SHROOM4: variants seen among roughly 807,000 people sequenced by gnomAD.
The protein encoded by SHROOM4 is protein Shroom4.
SHROOM4 carries 17 observed loss-of-function variants against 80.3 expected under a neutral mutation model. The ratio of observed to expected loss-of-function variants is 0.21; its 90% confidence interval spans 0.14 to 0.32. The LOEUF is 0.32. Among genes scored for constraint, SHROOM4 ranks in the 10% least tolerant of loss-of-function variants. The probability of loss-of-function intolerance (pLI) is 1.00; values close to 1 mark genes in which losing one functional copy is unlikely to be tolerated. For synonymous variants in SHROOM4, 400 were observed against 437.5 expected, an observed-to-expected ratio of 0.91 and a Z score of 1.07; for missense variants, 993 against 1,140.3, an observed-to-expected ratio of 0.87 and a Z score of 1.86.
rs17003193 is a variant in SHROOM4, at chrX:50,753,340, G to A, written c.118-57403C>T. Among the ~76,000 whole-genome samples the A allele has an allele frequency of 8.0e-5, 9 of 111,936 alleles. No individual in the cohort carries two copies. The East Asian group carries it at 8.4e-4, about 10-fold the overall frequency. ...CTTGAAGGACTGTTAATGTTACATC[G>A]GGTTTTAATCTCATAATTTGTAACC... On this transcript the variant is annotated intron_variant, in intron 1 of 8. Transcript: ENST00000376020.
intron 2 of SHROOM4, among the ~76,000 whole-genome samples, chrX:50,660,256 G>C (rs1932447805): frequency 9.0e-6 from 1 of 111,557 alleles, no homozygotes; most frequent in Non-Finnish European, 1.9e-5. Flanking sequence ...CTGGGGATCT[G>C]ATTAACAGGC....
At chrX:50,737,720 C>T (rs1038254613) in intron 1 of SHROOM4, among the ~76,000 whole-genome samples, 8 of 111,199 alleles carry the variant, frequency 7.2e-5, no homozygotes, top group Admixed American at 3.8e-4. Flanking sequence ...CAGGACCAGA[C>T]GGATTCACAG....
rs782662591 is a variant in SHROOM4 at position 50,814,063 on chromosome X, C to T, written c.-45G>A. 6 of 956,399 alleles carry T rather than the reference C, an allele frequency of 6.3e-6. No homozygotes were observed. Among genetic ancestry groups the T allele is most frequent in the African/African-American group, 5.8e-5 (3 of 52,084 alleles). The allele number at this position is 956,399 out of a possible 1,213,427, so 78.8% of individuals were successfully genotyped here. ...CCGCCGGGCTCCTTTTCCGAGGGGGCTACGTTGCCTCCGCCCCCAGCAGCT... is the reference window on the plus strand; with the variant it reads ...CCGCCGGGCTCCTTTTCCGAGGGGGTTACGTTGCCTCCGCCCCCAGCAGCT... On this transcript the variant is annotated 5_prime_UTR_variant, in exon 1 of 9. The change abolishes the stop of an existing upstream ORF in the 5' untranslated region. Coordinates refer to ENST00000376020, the MANE Select transcript of SHROOM4 (RefSeq NM_020717.5).
intron 1 of SHROOM4, among the ~76,000 whole-genome samples, chrX:50,714,696 C>T (rs940941469): frequency 2.7e-5 from 3 of 112,100 alleles, no homozygotes; most frequent in Non-Finnish European, 5.6e-5. Context: ...GTTAAGATAG[C>T]AACACAGTAT....
At chrX:50,611,585 T>A (rs1929995941) in intron 5 of SHROOM4, among the ~76,000 whole-genome samples, 1 of 111,520 alleles carries the variant, frequency 9.0e-6, no homozygotes, top group Admixed American at 9.5e-5. Context: ...AATGAAAATA[T>A]CAGAAGCTAG....
At chrX:50,613,232 G>A (rs1374026800) in intron 5 of SHROOM4, among the ~76,000 whole-genome samples, 1 of 111,170 alleles carries the variant, frequency 9.0e-6, no homozygotes, top group Non-Finnish European at 1.9e-5. Flanking sequence ...TCGTGCCTCA[G>A]CCTCCCAAGT....
chrX:50,796,048 TG>T (rs1305487069), intron 1 of SHROOM4, among the ~76,000 whole-genome samples: 1 of 111,805 alleles, frequency 8.9e-6, no homozygotes, highest in Non-Finnish European at 1.9e-5. Flanking sequence ...CTGAGGGGTT[TG>T]AACTTAAATC....
At chrX:50,758,271 T>C (rs1277411284) in intron 1 of SHROOM4, among the ~76,000 whole-genome samples, 5 of 112,111 alleles carry the variant, frequency 4.5e-5, no homozygotes, top group African/African-American at 1.3e-4. Context: ...CTGGTAAGTG[T>C]AGACATATTT....
At chrX:50,748,552 G>A (rs1198554332) in intron 1 of SHROOM4, among the ~76,000 whole-genome samples, 8 of 111,618 alleles carry the variant, frequency 7.2e-5, no homozygotes, top group African/African-American at 2.6e-4. Context: ...GAGTTGCTGT[G>A]TGAGATTCAG....
At chrX:50,682,037 A>C (rs537807055) in intron 2 of SHROOM4, among the ~76,000 whole-genome samples, 294 of 112,043 alleles carry the variant, frequency 2.6e-3, no homozygotes, top group African/African-American at 8.2e-3. Flanking sequence ...CCCAAGAACC[A>C]TAGTTACAAC....
chrX:50,646,002 C>T (rs781806568), intron 2 of SHROOM4, among the ~76,000 whole-genome samples: 1 of 111,401 alleles, frequency 9.0e-6, no homozygotes, highest in Admixed American at 9.5e-5. Context: ...CCGATAGCAC[C>T]ATCTGTCTTT....
rs1929095497 is a variant in SHROOM4, at chrX:50,596,039, C to A, written c.*656G>T. 3.0e-6 allele frequency: 1 copy of A among 328,020 alleles called. No individual in the cohort carries two copies. The highest frequency in any genetic ancestry group is 3.1e-5 in the Admixed American group (1 of 32,119). 27.0% of individuals were successfully genotyped at this position (328,020 alleles called of 1,213,427 possible). On this transcript the variant is annotated 3_prime_UTR_variant, in exon 9 of 9. Transcript: ENST00000376020. ...TAGGACAGGAAGAGGGTCACACTAG[C>A]CAGGGCTAAGAGTAGGCCTCTTCCC... is the stretch of plus-strand genomic sequence containing the variant.
intron 1 of SHROOM4, among the ~76,000 whole-genome samples, chrX:50,801,263 A>AGAGAGAGG (rs782726722): frequency 1.0e-5 from 1 of 97,788 alleles, no homozygotes; most frequent in Non-Finnish European, 2.1e-5. Flanking sequence ...GAGAAAGAGG[A>AGAGAGAGG]GAGAGAGAGA....
chrX:50,813,910 CTG>C lies in SHROOM4; in HGVS notation c.107_108del (p.Thr36SerfsTer3), dbSNP rs1307824765. On this transcript the variant is annotated frameshift_variant, in exon 1 of 9. Coordinates refer to ENST00000376020, the MANE Select transcript of SHROOM4 (RefSeq NM_020717.5). LOFTEE classifies it high-confidence loss of function. ...KGGLEHCEPL[T>X]VSKIEDGGKA... ...CAGCCGCCAGTTCTTACCTTAGACACTGTGAGCGGCTCACAGTGTTCCAGACC... is the reference window on the plus strand; with the variant it reads ...CAGCCGCCAGTTCTTACCTTAGACACTGAGCGGCTCACAGTGTTCCAGACC... The C allele has an allele frequency of 1.7e-6, 2 of 1,191,576 alleles. No homozygotes were observed. Among genetic ancestry groups the C allele is most frequent in the Non-Finnish European group, 2.3e-6 (2 of 879,847 alleles).
chrX:50,684,703 G>A (rs781849194), intron 2 of SHROOM4, among the ~76,000 whole-genome samples: 2 of 111,945 alleles, frequency 1.8e-5, no homozygotes, highest in East Asian at 5.7e-4. Context: ...AGGGTAACAG[G>A]TTGAAAATGC....
At chrX:50,727,697 A>C (rs782565870) in intron 1 of SHROOM4, among the ~76,000 whole-genome samples, 1 of 112,442 alleles carries the variant, frequency 8.9e-6, no homozygotes, top group African/African-American at 3.2e-5. Context: ...CTCCCCAGCC[A>C]TGGGAAACTG....
intron 1 of SHROOM4, among the ~76,000 whole-genome samples, chrX:50,710,087 T>A (rs1430817356): frequency 8.9e-6 from 1 of 112,152 alleles, no homozygotes; most frequent in Non-Finnish European, 1.9e-5. Flanking sequence ...CCCATCAGTA[T>A]CTCTGCTAAT....
intron 1 of SHROOM4, among the ~76,000 whole-genome samples, chrX:50,795,297 G>C (rs1935987929): frequency 9.4e-6 from 1 of 106,481 alleles, no homozygotes; most frequent in Admixed American, 1.0e-4. Context: ...AAAGAATTTA[G>C]AGCCAGATTT....
At chrX:50,787,583 T>C (rs1249967413) in intron 1 of SHROOM4, among the ~76,000 whole-genome samples, 2 of 111,062 alleles carry the variant, frequency 1.8e-5, no homozygotes, top group Non-Finnish European at 3.8e-5. Context: ...GCAAATAAGA[T>C]AAACTCAAAG....
Sources: allele counts gnomAD v4.1 joint callset (sites outside exome capture counted in the v4.1 genomes callset), GRCh38; gene constraint gnomAD v4.1.1; transcripts MANE v1.5; gene names NCBI Gene and HGNC (gene_info 2026-07-23, HGNC 2026-07-21).